Variants in UTRN observed in about 807,000 individuals in gnomAD.
UTRN encodes dystrophin-related protein 1.
A neutral mutation model predicts 463.9 loss-of-function variants in UTRN; 283 were observed. The ratio of observed to expected loss-of-function variants is 0.61; its 90% confidence interval spans 0.55 to 0.67. The LOEUF (loss-of-function observed/expected upper bound fraction) is 0.67. UTRN is among the 30% of genes least tolerant of loss of function. The pLI is 0.00. For missense variants in UTRN, 3,922 were observed against 4,084.3 expected, an observed-to-expected ratio of 0.96 and a Z score of 1.08; for synonymous variants, 1,442 against 1,431.5, an observed-to-expected ratio of 1.01 and a Z score of -0.17.
In UTRN at chr6:144,732,264, A is replaced by G. The variant is rs1427608786; in HGVS notation, c.7939+1778A>G. ...CATATATATATATATATATACACAC[A>G]TATATATATATATACACACATATAT... On this transcript the variant is annotated intron_variant, in intron 54 of 74. Transcript: ENST00000367545. Among the ~76,000 whole-genome samples, 17 of 75,298 alleles carry G rather than the reference A, an allele frequency of 2.3e-4. No homozygotes were observed. The East Asian group carries it at 0.013, about 57-fold the overall frequency. The allele number at this position is 75,298 out of a possible 152,430, so 49.4% of individuals were successfully genotyped here.
At chr6:144,288,730 C>A (rs1803919681) in intron 1 of UTRN, among the ~76,000 whole-genome samples, 1 of 149,410 alleles carries the variant, frequency 6.7e-6, no homozygotes, top group African/African-American at 2.5e-5. Flanking sequence ...TGATCCAATC[C>A]TTTATATCCA....
At chr6:144,342,366 C>T (rs1167837298) in intron 2 of UTRN, among the ~76,000 whole-genome samples, 3 of 151,418 alleles carry the variant, frequency 2.0e-5, no homozygotes, top group Non-Finnish European at 3.0e-5. Context: ...CACACACACA[C>T]ACACACACCC....
At chr6:144,614,996 T>A (rs1053935531) in intron 51 of UTRN, among the ~76,000 whole-genome samples, 1 of 152,144 alleles carries the variant, frequency 6.6e-6, no homozygotes, top group Non-Finnish European at 1.5e-5. Context: ...AACCCCCCTC[T>A]TTCCCGATAT....
intron 2 of UTRN, among the ~76,000 whole-genome samples, chr6:144,310,606 G>A (rs1169744770): frequency 6.6e-6 from 1 of 150,896 alleles, no homozygotes; most frequent in Middle Eastern, 3.4e-3. Context: ...GGAGGCCGAG[G>A]TGGGGAGACA....
intron 51 of UTRN, among the ~76,000 whole-genome samples, chr6:144,580,922 C>T (rs927578485): frequency 6.6e-6 from 1 of 152,084 alleles, no homozygotes; most frequent in East Asian, 1.9e-4. Flanking sequence ...AGAAAGGAGA[C>T]AATGGCAGGG....
chr6:144,613,609 C>G (rs1031856804), intron 51 of UTRN, among the ~76,000 whole-genome samples: 6 of 152,074 alleles, frequency 3.9e-5, no homozygotes, highest in Admixed American at 3.9e-4. Context: ...CAATTGTTGA[C>G]AGGGGCTTGA....
chr6:144,628,419 T>A (rs1471659885), intron 51 of UTRN, among the ~76,000 whole-genome samples: 1 of 152,204 alleles, frequency 6.6e-6, no homozygotes, highest in Admixed American at 6.5e-5. Flanking sequence ...TTTTGAAATG[T>A]GTGCAGAACT....
chr6:144,847,696 T>G (rs1460461523), intron 74 of UTRN, among the ~76,000 whole-genome samples: 1 of 152,160 alleles, frequency 6.6e-6, no homozygotes, highest in Non-Finnish European at 1.5e-5. Context: ...AACTCTGTTT[T>G]AGGGTAAAGA....
chr6:144,494,577 T>C (rs995742839), intron 33 of UTRN, among the ~76,000 whole-genome samples: 2 of 152,324 alleles, frequency 1.3e-5, no homozygotes, highest in East Asian at 3.9e-4. Flanking sequence ...TTCTCTTATC[T>C]GGCCCTACCC....
At chr6:144,471,654 A>G (rs770158638) in intron 23 of UTRN, among the ~76,000 whole-genome samples, 1 of 152,206 alleles carries the variant, frequency 6.6e-6, no homozygotes. Context: ...TGCTGGAGCA[A>G]ACACAGAAGT....
chr6:144,334,865 C>A (rs1291504204), intron 2 of UTRN, among the ~76,000 whole-genome samples: 1 of 152,110 alleles, frequency 6.6e-6, no homozygotes, highest in Admixed American at 6.5e-5. Context: ...TGTCCTGAAA[C>A]CTCAATAACC....
At chr6:144,516,187 A>G (rs962955541) in intron 37 of UTRN, 42 bp from the exon 38 acceptor site, 2 of 1,592,208 alleles carry the variant, frequency 1.3e-6, no homozygotes, top group East Asian at 4.5e-5. Flanking sequence ...ATGGAAAGTC[A>G]AATTAAAAAT....
chr6:144,735,113 A>G (rs891747854), intron 54 of UTRN, among the ~76,000 whole-genome samples: 6 of 152,188 alleles, frequency 3.9e-5, no homozygotes, highest in South Asian at 2.1e-4. Flanking sequence ...TGAGGTTTCA[A>G]TTTAGTGGGA....
chr6:144,567,563 T>C (rs576455128), intron 50 of UTRN, among the ~76,000 whole-genome samples: 7 of 152,260 alleles, frequency 4.6e-5, no homozygotes, highest in Non-Finnish European at 1.0e-4. Context: ...GACTCTTCTT[T>C]CAACTGCATT....
chr6:144,620,768 G>C (rs1775282040), intron 51 of UTRN, among the ~76,000 whole-genome samples: 1 of 152,092 alleles, frequency 6.6e-6, no homozygotes, highest in Non-Finnish European at 1.5e-5. Context: ...CTATGAGAAT[G>C]AGGAGGGAAT....
chr6:144,512,959 G>A (rs191754269), intron 35 of UTRN, among the ~76,000 whole-genome samples: 321 of 152,262 alleles, frequency 2.1e-3, no homozygotes, highest in African/African-American at 7.4e-3. Flanking sequence ...AATTGCTAAA[G>A]GTTAATTTCA....
intron 51 of UTRN, among the ~76,000 whole-genome samples, chr6:144,666,020 A>G (rs1780350761): frequency 6.6e-6 from 1 of 152,208 alleles, no homozygotes; most frequent in African/African-American, 2.4e-5. Context: ...ATAACTAATT[A>G]TCAGTAACCA....
chr6:144,755,852 C>T (rs1326782964), intron 57 of UTRN, among the ~76,000 whole-genome samples: 5 of 152,002 alleles, frequency 3.3e-5, no homozygotes, highest in Non-Finnish European at 7.4e-5. Context: ...ATGTTTTTGT[C>T]ACTCTTGATA....
At chr6:144,452,256 G>A (rs746986036) in intron 18 of UTRN, among the ~76,000 whole-genome samples, 1 of 152,190 alleles carries the variant, frequency 6.6e-6, no homozygotes, top group Non-Finnish European at 1.5e-5. Context: ...ACTATAAGAA[G>A]GTTGTTCTAC....
Sources: gnomAD v4.1 joint callset for allele counts (sites outside exome capture counted in the v4.1 genomes callset) on GRCh38, gnomAD v4.1.1 for gene constraint, MANE v1.5 for transcripts, NCBI Gene and HGNC (gene_info 2026-07-23, HGNC 2026-07-21) for gene names.